The following CLIP1 variants were observed in gnomAD, a reference collection of about 807,000 sequenced individuals.
CLIP1 encodes CAP-Gly domain containing linker protein 1.
CLIP1 carries 66 observed loss-of-function variants against 161.6 expected under a neutral mutation model. The observed-to-expected ratio is 0.41, with a 90% CI of 0.33 to 0.50. The LOEUF (loss-of-function observed/expected upper bound fraction) is 0.50. Ranked by LOEUF, CLIP1 falls within the 20% of genes least tolerant of loss-of-function variation. CLIP1 has a pLI of 0.27. For synonymous variants in CLIP1, 598 were observed against 626.2 expected (o/e 0.96, Z 0.67); for missense variants, 1,376 against 1,702.0 (o/e 0.81, Z 3.37).
chr12:122,389,777 A>AAAAAAAAAAAAAAAC (rs1955509761), intron 1 of CLIP1, among the ~76,000 whole-genome samples: 1 of 127,210 alleles, frequency 7.9e-6, no homozygotes, highest in Non-Finnish European at 1.7e-5. Flanking sequence ...AAAAAAAAAA[A>AAAAAAAAAAAAAAAC]AAAAAAGAAT....
intron 1 of CLIP1, chr12:122,400,897 T>C (rs1593250880): frequency 1.4e-5 from 2 of 142,642 alleles, no homozygotes; most frequent in Admixed American, 1.6e-4. Flanking sequence ...TTACAGGGTT[T>C]CCCAACTCCG....
At chr12:122,357,719 C>A (rs970796672) in intron 5 of CLIP1, among the ~76,000 whole-genome samples, 6 of 148,610 alleles carry the variant, frequency 4.0e-5, no homozygotes, top group Non-Finnish European at 7.5e-5. Flanking sequence ...GCCAGCCGCC[C>A]CGTCCGGGAG....
intron 1 of CLIP1, among the ~76,000 whole-genome samples, chr12:122,419,256 G>T (rs937116727): frequency 2.0e-5 from 3 of 151,816 alleles, no homozygotes; most frequent in Admixed American, 6.6e-5. Flanking sequence ...TGTTGTCCCA[G>T]CTACTTGGGA....
At chr12:122,383,760 A>G (rs1955116477) in intron 1 of CLIP1, among the ~76,000 whole-genome samples, 1 of 152,198 alleles carries the variant, frequency 6.6e-6, no homozygotes, top group African/African-American at 2.4e-5. Context: ...ACATGCAGTG[A>G]TCAAGAGGCA....
At chr12:122,345,150 A>G (rs1335466763) in intron 10 of CLIP1, among the ~76,000 whole-genome samples, 1 of 151,924 alleles carries the variant, frequency 6.6e-6, no homozygotes, top group African/African-American at 2.4e-5. Context: ...GCTCTCAGTT[A>G]ATGAGGAAAC....
chr12:122,373,146 C>T (rs780293761), intron 3 of CLIP1, among the ~76,000 whole-genome samples: 1 of 152,054 alleles, frequency 6.6e-6, no homozygotes, highest in Non-Finnish European at 1.5e-5. Context: ...TAATAAGGGC[C>T]GGGCGTGGTG....
In CLIP1 at chr12:122,272,685, ATATT is replaced by A. The variant is rs1473209414; in HGVS notation, c.*186_*189del. Reference sequence around the variant, plus strand: ...TTCGAGGTGAAAACTCACCTACTAAATATTTATTATTCTAACTCATACGGGGAGA... The same window carrying A: ...TTCGAGGTGAAAACTCACCTACTAAATATTATTCTAACTCATACGGGGAGA... On this transcript the variant is annotated 3_prime_UTR_variant, in exon 26 of 26. Coordinates refer to ENST00000620786, the MANE Select transcript of CLIP1 (RefSeq NM_001247997.2). 15 of 578,146 alleles carry A rather than the reference ATATT, an allele frequency of 2.6e-5. No individual in the cohort carries two copies. Among genetic ancestry groups the A allele is most frequent in the South Asian group, 1.1e-4 (5 of 44,436 alleles). 35.8% of individuals were successfully genotyped at this position (578,146 alleles called of 1,614,324 possible).
At chr12:122,328,523 C>CA in intron 15 of CLIP1, 97 bp from the exon 16 acceptor site, 2 of 703,552 alleles carry the variant, frequency 2.8e-6, no homozygotes, top group Non-Finnish European at 4.0e-6. Context: ...TAATTATTTT[C>CA]AAAAGTTATG....
At chr12:122,363,688 C>A (rs1020276341) in intron 4 of CLIP1, among the ~76,000 whole-genome samples, 18 of 151,726 alleles carry the variant, frequency 1.2e-4, no homozygotes, top group African/African-American at 3.9e-4. Context: ...GAAGTCAACT[C>A]CTATCAAAAG....
intron 11 of CLIP1, among the ~76,000 whole-genome samples, chr12:122,337,859 T>TA (rs1437779926): frequency 6.7e-6 from 1 of 149,892 alleles, no homozygotes; most frequent in African/African-American, 2.5e-5. Context: ...ACTAAAAATA[T>TA]AAAAAATTAG....
At chr12:122,280,871 G>A (rs1955618421) in intron 21 of CLIP1, 1 of 152,248 alleles carries the variant, frequency 6.6e-6, no homozygotes, top group African/African-American at 2.4e-5. Flanking sequence ...AGTCACCAGT[G>A]AGTGGTCATA....
chr12:122,392,452 TGTG>T (rs1955699190), intron 1 of CLIP1, among the ~76,000 whole-genome samples: 1 of 152,138 alleles, frequency 6.6e-6, no homozygotes, highest in Non-Finnish European at 1.5e-5. Context: ...AAAATTGACT[TGTG>T]GTAGAAGAGA....
intron 1 of CLIP1, among the ~76,000 whole-genome samples, chr12:122,407,463 C>G (rs1956364480): frequency 6.6e-6 from 1 of 152,038 alleles, no homozygotes; most frequent in African/African-American, 2.4e-5. Context: ...AATCTCAGCA[C>G]TTTGGGAGGC....
intron 1 of CLIP1, among the ~76,000 whole-genome samples, chr12:122,384,809 T>C (rs1190010797): frequency 6.6e-6 from 1 of 151,092 alleles, no homozygotes; most frequent in Non-Finnish European, 1.5e-5. Context: ...CCAGTTTCTT[T>C]TTTTTTTTTT....
intron 9 of CLIP1, 93 bp from the exon 10 acceptor site, chr12:122,347,572 C>A: frequency 1.1e-6 from 1 of 914,728 alleles, no homozygotes; most frequent in Admixed American, 1.7e-5. Context: ...GCTGAGCCAC[C>A]AGTACCTTCT....
At chr12:122,390,172 GATATATATAT>G (rs71082979) in intron 1 of CLIP1, among the ~76,000 whole-genome samples, 3 of 93,536 alleles carry the variant, frequency 3.2e-5, no homozygotes, top group Non-Finnish European at 2.2e-5. Context: ...CACAGTCTCA[GATATATATAT>G]ATATATATAT....
intron 17 of CLIP1, among the ~76,000 whole-genome samples, chr12:122,319,900 ATGAATAAAAACACGGCTG>A (rs1369817873): frequency 1.3e-5 from 2 of 152,240 alleles, no homozygotes; most frequent in Non-Finnish European, 2.9e-5. Context: ...GTTGTGGGTA[ATGAATAAAAACACGGCTG>A]TGAATAAAAA....
intron 2 of CLIP1, among the ~76,000 whole-genome samples, chr12:122,379,244 G>A (rs1308298545): frequency 6.6e-5 from 10 of 151,330 alleles, no homozygotes; most frequent in African/African-American, 2.2e-4. Context: ...GGAGGTGGAG[G>A]TTGCAGTGAG....
chr12:122,299,364 A>G (rs1399483792), intron 20 of CLIP1, among the ~76,000 whole-genome samples: 2 of 151,992 alleles, frequency 1.3e-5, no homozygotes, highest in East Asian at 1.9e-4. Flanking sequence ...CTTAAAAGAT[A>G]CGAAAGAGAA....
Sources: allele counts gnomAD v4.1 joint callset (sites outside exome capture counted in the v4.1 genomes callset), GRCh38; gene constraint gnomAD v4.1.1; transcripts MANE v1.5; gene names NCBI Gene and HGNC (gene_info 2026-07-23, HGNC 2026-07-21).